FAM8A1: variants seen among roughly 807,000 people sequenced by gnomAD.
FAM8A1 encodes the protein protein FAM8A1.
Under a neutral mutation model 38.3 loss-of-function variants are expected in FAM8A1, and 18 were observed. That is an observed-to-expected ratio of 0.47 (90% CI 0.33 to 0.70). The LOEUF (loss-of-function observed/expected upper bound fraction) is 0.70. Ranked by LOEUF, FAM8A1 falls within the 30% of genes least tolerant of loss-of-function variation. The pLI is 0.03. For missense variants in FAM8A1, 559 were observed against 559.6 expected, an observed-to-expected ratio of 1.00 and a Z score of 0.01; for synonymous variants, 246 against 234.4, an observed-to-expected ratio of 1.05 and a Z score of -0.45.
chr6:17,601,792 T>C (rs946523112), intron 1 of FAM8A1, among the ~76,000 whole-genome samples: 18 of 151,360 alleles, frequency 1.2e-4, no homozygotes, highest in African/African-American at 4.4e-4. Flanking sequence ...GAATTTAGGA[T>C]GACAGATTGA....
chr6:17,606,034 A>ATAG (rs773619983), intron 4 of FAM8A1, 21 bp downstream of exon 4: 1 of 1,508,682 alleles, frequency 6.6e-7, no homozygotes, highest in Non-Finnish European at 9.0e-7. Flanking sequence ...TTCTTAGCTT[A>ATAG]ATCTACTACA....
Position 17,600,313 on chromosome 6 carries a change from CGGT to C in FAM8A1, c.-96_-94del. Reference sequence around the variant, plus strand: ...TCCGGCGGGGGATTGTTGACGCCTGCGGTTGCTGCGGTGGTGACGGGGCTGTTG... The same window carrying C: ...TCCGGCGGGGGATTGTTGACGCCTGCTGCTGCGGTGGTGACGGGGCTGTTG... On this transcript the variant is annotated 5_prime_UTR_variant, in exon 1 of 5. Transcript: ENST00000259963. 1.6e-6 allele frequency: 2 copies of C among 1,267,974 alleles called. No individual in the cohort carries two copies. The highest frequency in any genetic ancestry group is 1.6e-5 in the African/African-American group (1 of 64,204). 78.5% of individuals were successfully genotyped at this position (1,267,974 alleles called of 1,614,324 possible).
In FAM8A1 at chr6:17,609,299, ATAC is replaced by A. The variant is rs1764103081; in HGVS notation, c.*965_*967del. On this transcript the variant is annotated 3_prime_UTR_variant, in exon 5 of 5. Coordinates refer to ENST00000259963, the MANE Select transcript of FAM8A1 (RefSeq NM_016255.3). ...TTCTATTTATATACAGCATATTCAC[ATAC>A]TACTTTCCTTATATTTTATATAGTT... 6.6e-6 allele frequency: 1 copy of A among 152,212 alleles called. No homozygotes were observed. The highest frequency in any genetic ancestry group is 1.5e-5 in the Non-Finnish European group (1 of 68,044). The allele number at this position is 152,212 out of a possible 1,614,324, so 9.4% of individuals were successfully genotyped here. A position where few individuals can be genotyped will look rare whatever the true frequency, so the allele number is the denominator to read the frequency against.
rs1377978759 is a variant in FAM8A1 at position 17,611,167 on chromosome 6, CATT to C, written c.*2831_*2833del. On this transcript the variant is annotated 3_prime_UTR_variant, in exon 5 of 5. Coordinates refer to ENST00000259963, the MANE Select transcript of FAM8A1 (RefSeq NM_016255.3). ...TATATATATAGGATAGAAAAAAATG[CATT>C]ATATTTGAGAGCTACTTCGCCCAAA... is the stretch of plus-strand genomic sequence containing the variant. 6.6e-6 allele frequency: 1 copy of C among 152,112 alleles called. No homozygotes were observed. Among genetic ancestry groups the C allele is most frequent in the African/African-American group, 2.4e-5 (1 of 41,434 alleles). 9.4% of individuals were successfully genotyped at this position (152,112 alleles called of 1,614,324 possible). A position where few individuals can be genotyped will look rare whatever the true frequency, so the allele number is the denominator to read the frequency against.
At chr6:17,606,065 T>C in intron 4 of FAM8A1, 52 bp downstream of exon 4, 1 of 1,357,102 alleles carries the variant, frequency 7.4e-7, no homozygotes, top group Non-Finnish European at 9.7e-7. Context: ...AAATAATGTG[T>C]TTTAGAATAT....
intron 1 of FAM8A1, among the ~76,000 whole-genome samples, chr6:17,601,378 A>G (rs944487714): frequency 6.6e-6 from 1 of 152,326 alleles, no homozygotes; most frequent in African/African-American, 2.4e-5. Flanking sequence ...TTATTCGTGA[A>G]AAGAAATTGC....
At position 17,608,479 on chromosome 6, in the gene FAM8A1, T is replaced by C. The variant is rs1581642415; in HGVS notation, c.*140T>C. On this transcript the variant is annotated 3_prime_UTR_variant, in exon 5 of 5. Transcript: ENST00000259963. ...GATGCAGGTGACTACTCTGAAAGTATTGATTATACTTGAATGCCAAAGAAC... is the reference window on the plus strand; with the variant it reads ...GATGCAGGTGACTACTCTGAAAGTACTGATTATACTTGAATGCCAAAGAAC... The C allele has an allele frequency of 3.6e-6, 3 of 839,358 alleles. No homozygotes were observed. Among genetic ancestry groups the C allele is most frequent in the East Asian group, 3.0e-5 (1 of 33,040 alleles). 52.0% of individuals were successfully genotyped at this position (839,358 alleles called of 1,614,324 possible). A position where few individuals can be genotyped will look rare whatever the true frequency, so the allele number is the denominator to read the frequency against.
rs1764094932 is a variant in FAM8A1, at chr6:17,608,789, T to G, written c.*450T>G. On this transcript the variant is annotated 3_prime_UTR_variant, in exon 5 of 5. Coordinates refer to ENST00000259963, the MANE Select transcript of FAM8A1 (RefSeq NM_016255.3). ...TTCCTGGGGAAATTGTCTTTGGTGT[T>G]TAGAGGAGGGAATGAGAACACAAAT... The G allele has an allele frequency of 2.0e-5, 3 of 152,064 alleles. No homozygotes were observed. Among genetic ancestry groups the G allele is most frequent in the Admixed American group, 2.0e-4 (3 of 15,232 alleles). The allele number at this position is 152,064 out of a possible 1,614,324, so 9.4% of individuals were successfully genotyped here.
chr6:17,605,976 G>T lies in FAM8A1; in HGVS notation c.1060G>T (p.Val354Phe). ...DTSVLIAPSRVLVIPSSNVSI... is the reference protein window; with the variant it reads ...DTSVLIAPSRFLVIPSSNVSI... ...ATCAGTGCTTATTGCACCAAGTCGGGTTTTAGTGATTCCTTCCTCAAATGT... is the reference window on the plus strand; with the variant it reads ...ATCAGTGCTTATTGCACCAAGTCGGTTTTTAGTGATTCCTTCCTCAAATGT... The change falls in exon 4 of 5, where the codon GTT becomes TTT. Residue 354 changes from valine (V) to phenylalanine (F), a missense_variant. Val to Phe is a conservative substitution (Grantham distance 50). Transcript: ENST00000259963. 1.3e-6 allele frequency: 2 copies of T among 1,575,126 alleles called. No individual in the cohort carries two copies. Among genetic ancestry groups the T allele is most frequent in the Non-Finnish European group, 8.7e-7 (1 of 1,153,852 alleles).
chr6:17,607,361 C>G (rs1171083216), intron 4 of FAM8A1, among the ~76,000 whole-genome samples: 1 of 151,048 alleles, frequency 6.6e-6, no homozygotes, highest in Non-Finnish European at 1.5e-5. Context: ...TTTTATATAC[C>G]TGCACTGTTA....
At chr6:17,607,101 A>T (rs1398651333) in intron 4 of FAM8A1, among the ~76,000 whole-genome samples, 1 of 152,066 alleles carries the variant, frequency 6.6e-6, no homozygotes, top group Admixed American at 6.6e-5. Flanking sequence ...TCTACTAAAA[A>T]TACAAAAAAT....
rs755550360 is a variant in FAM8A1 at position 17,605,969 on chromosome 6, A to G, written c.1053A>G (p.Pro351=). The G allele has an allele frequency of 1.1e-5, 17 of 1,583,576 alleles. No homozygotes were observed. Among genetic ancestry groups the G allele is most frequent in the Admixed American group, 8.5e-5 (5 of 58,678 alleles). ...GTGATACATCAGTGCTTATTGCACCAAGTCGGGTTTTAGTGATTCCTTCCT... is the reference window on the plus strand; with the variant it reads ...GTGATACATCAGTGCTTATTGCACCGAGTCGGGTTTTAGTGATTCCTTCCT... ...VTCDTSVLIA[P]SRVLVIPSSN... is the part of the protein sequence containing the mutation. Residue 351 remains proline, a synonymous_variant, in exon 4 of 5, where the codon CCA becomes CCG. Transcript: ENST00000259963.
Position 17,608,747 on chromosome 6 carries a change from C to T in FAM8A1, c.*408C>T, listed in dbSNP as rs1764094280. The T allele has an allele frequency of 6.5e-6, 1 of 153,034 alleles. No individual in the cohort carries two copies. The highest frequency in any genetic ancestry group is 1.5e-5 in the Non-Finnish European group (1 of 68,690). The allele number at this position is 153,034 out of a possible 1,614,324, so 9.5% of individuals were successfully genotyped here. On this transcript the variant is annotated 3_prime_UTR_variant, in exon 5 of 5. Coordinates refer to ENST00000259963, the MANE Select transcript of FAM8A1 (RefSeq NM_016255.3). ...GTGTTTTGTAAACACCTATGTAACTCATCTTTTAGTTTACACTTCCTGGGG... is the reference window on the plus strand; with the variant it reads ...GTGTTTTGTAAACACCTATGTAACTTATCTTTTAGTTTACACTTCCTGGGG...
In FAM8A1 at chr6:17,600,448, C is replaced by T; in HGVS notation, c.39C>T (p.Pro13=). The T allele has an allele frequency of 6.8e-7, 1 of 1,472,604 alleles. No individual in the cohort carries two copies. The highest frequency in any genetic ancestry group is 9.0e-7 in the Non-Finnish European group (1 of 1,114,010). 91.2% of individuals were successfully genotyped at this position (1,472,604 alleles called of 1,614,324 possible). ...EGPEEARGHP[P]GQDDGGGDHE... The stretch of plus-strand genomic sequence containing the variant: ...CCGAGGAAGCCCGAGGCCACCCTCC[C>T]GGGCAGGACGATGGCGGAGGGGACC... The change falls in exon 1 of 5, where the codon CCC becomes CCT. Residue 13 remains proline (P), a synonymous_variant. Transcript: ENST00000259963.
chr6:17,600,580 C>T lies in FAM8A1; in HGVS notation c.171C>T (p.Gly57=). 6 of 1,493,196 alleles carry T rather than the reference C, an allele frequency of 4.0e-6. No individual in the cohort carries two copies. The highest frequency in any genetic ancestry group is 4.4e-6 in the Non-Finnish European group (5 of 1,126,310). The allele number at this position is 1,493,196 out of a possible 1,614,324, so 92.5% of individuals were successfully genotyped here. A position where few individuals can be genotyped will look rare whatever the true frequency, so the allele number is the denominator to read the frequency against. Residue 57 remains glycine, a synonymous_variant, in exon 1 of 5, where the codon GGC becomes GGT. Coordinates refer to ENST00000259963, the MANE Select transcript of FAM8A1 (RefSeq NM_016255.3). The part of the protein sequence containing the change: ...PQAPGRPTAP[G]LAAAAAADKL... ...CCCCGGGCCGGCCCACAGCCCCGGG[C>T]CTCGCGGCTGCCGCCGCAGCCGACA...
chr6:17,605,943 T>C lies in FAM8A1; in HGVS notation c.1027T>C (p.Cys343Arg). The C allele has an allele frequency of 1.3e-6, 2 of 1,591,192 alleles. No individual in the cohort carries two copies. Among genetic ancestry groups the C allele is most frequent in the Non-Finnish European group, 1.7e-6 (2 of 1,164,622 alleles). The change falls in exon 4 of 5, where the codon TGT becomes CGT. Residue 343 changes from cysteine to arginine, a missense_variant. Coordinates refer to ENST00000259963, the MANE Select transcript of FAM8A1 (RefSeq NM_016255.3). ...KFLLGLRVVT[C>R]DTSVLIAPSR... is the part of the protein sequence containing the mutation. ...CCTGCTGGGGCTTCGAGTTGTGACA[T>C]GTGATACATCAGTGCTTATTGCACC... is the stretch of plus-strand genomic sequence containing the variant.
chr6:17,600,367 CGG>C lies in FAM8A1; in HGVS notation c.-42_-41del, dbSNP rs1422622069. On this transcript the variant is annotated 5_prime_UTR_variant, in exon 1 of 5. Coordinates refer to ENST00000259963, the MANE Select transcript of FAM8A1 (RefSeq NM_016255.3). ...GGGAGGGGCCATTGGGGGAGGGAAA[CGG>C]AGCAGTGACAGGTATCCCAGAGGGT... is the stretch of plus-strand genomic sequence containing the variant. 1 of 1,341,178 alleles carries C rather than the reference CGG, an allele frequency of 7.5e-7. No individual in the cohort carries two copies. The highest frequency in any genetic ancestry group is 9.6e-7 in the Non-Finnish European group (1 of 1,044,128). The allele number at this position is 1,341,178 out of a possible 1,614,324, so 83.1% of individuals were successfully genotyped here.
chr6:17,602,458 G>T, intron 1 of FAM8A1, 132 bp from the exon 2 acceptor site: 1 of 820,104 alleles, frequency 1.2e-6, no homozygotes, highest in Non-Finnish European at 1.8e-6. Flanking sequence ...ATCAATAGTT[G>T]CTGCACGGTT....
Position 17,600,617 on chromosome 6 carries a change from C to CGCG in FAM8A1, c.208_209insGCG (p.Pro70delinsArgAla). 1 of 1,506,788 alleles carries CGCG rather than the reference C, an allele frequency of 6.6e-7. No individual in the cohort carries two copies. Among genetic ancestry groups the CGCG allele is most frequent in the South Asian group, 1.3e-5 (1 of 79,746 alleles). The allele number at this position is 1,506,788 out of a possible 1,614,324, so 93.3% of individuals were successfully genotyped here. ...CGCCGCAGCCGACAAATTGGAGCCGCCGCGCGAGCTCAGGAAGCGCGGGGA... is the reference window on the plus strand; with the variant it reads ...CGCCGCAGCCGACAAATTGGAGCCGCGCGCGCGCGAGCTCAGGAAGCGCGGGGA... On this transcript the variant is annotated protein_altering_variant, in exon 1 of 5. Coordinates refer to ENST00000259963, the MANE Select transcript of FAM8A1 (RefSeq NM_016255.3).
Sources: allele counts gnomAD v4.1 joint callset (sites outside exome capture counted in the v4.1 genomes callset), GRCh38; gene constraint gnomAD v4.1.1; transcripts MANE v1.5; gene names NCBI Gene and HGNC (gene_info 2026-07-23, HGNC 2026-07-21).